Variants in ZNF417 observed in about 807,000 individuals in gnomAD.
The protein encoded by ZNF417 is zinc finger protein 417.
ZNF417 carries 5 observed loss-of-function variants against 7.4 expected under a neutral mutation model. The ratio of observed to expected loss-of-function variants is 0.68; its 90% CI spans 0.35 to 1.43. The LOEUF is 1.43. Among genes scored for constraint, ZNF417 ranks in the 40% most tolerant of loss-of-function variants. The pLI, the probability that ZNF417 is intolerant of heterozygous loss-of-function variation, is 0.04. For missense variants in ZNF417, 437 were observed against 697.3 expected (o/e 0.63, Z 4.20); for synonymous variants, 147 against 239.1 (o/e 0.61, Z 3.55).
chr19:57,909,709 G>A lies in ZNF417; in HGVS notation c.569C>T (p.Ala190Val). ...LPSSGLCQEA[A>V]AVEKTDSETM... ...TTCACTGTCTGTCTTCTCTACAGCA[G>A]CTGCTTCTTGGCACAATCCTGAACT... The change falls in exon 3 of 3, where the codon GCT (alanine) becomes GTT (valine). Residue 190 changes from alanine to valine, a missense_variant. By Grantham distance (64) the Ala-to-Val change is moderately conservative. This residue lies in a region of ZNF417 where 60 missense variants were observed against 266.0 expected (regional missense o/e 0.23). Coordinates refer to ENST00000312026, the MANE Select transcript of ZNF417 (RefSeq NM_152475.3). 4 of 1,482,492 alleles carry A rather than the reference G, an allele frequency of 2.7e-6. 1 individual carries two copies. The highest frequency in any genetic ancestry group is 3.7e-6 in the Non-Finnish European group (4 of 1,089,946). 91.8% of individuals were successfully genotyped at this position (1,482,492 alleles called of 1,614,324 possible).
In ZNF417 at chr19:57,906,020, C is replaced by T. The variant is rs566172003; in HGVS notation, c.*2530G>A. Among the ~76,000 whole-genome samples, 30 of 152,192 alleles carry T rather than the reference C, an allele frequency of 2.0e-4. No homozygotes were observed. The East Asian group carries it at 5.8e-3, about 29-fold the overall frequency. On this transcript the variant is annotated 3_prime_UTR_variant, in exon 3 of 3. Transcript: ENST00000312026. ...TTGCTCTTTTGCCCAGGCTAGAGTG[C>T]AGTGGTACCATCTCAGCTGATTGCA...
Position 57,909,422 on chromosome 19 carries a change from G to A in ZNF417, c.856C>T (p.His286Tyr). The A allele has an allele frequency of 1.9e-6, 3 of 1,614,088 alleles. No homozygotes were observed. Among genetic ancestry groups the A allele is most frequent in the Non-Finnish European group, 2.5e-6 (3 of 1,179,974 alleles). Residue 286 changes from histidine (H) to tyrosine (Y), a missense_variant, in exon 3 of 3, where the codon CAT (histidine) becomes TAT (tyrosine). This residue lies in a region of ZNF417 where 34 missense variants were observed against 33.3 expected (regional missense o/e 1.02). Transcript: ENST00000312026. ...GTCTTTCCAGTGTGGACTCGCTGAT[G>A]TTGAATAAGGCTGCTCTTTCGACTA... is the stretch of plus-strand genomic sequence containing the variant. ...SYSRKSSLIQ[H>Y]QRVHTGKTAY... is the part of the protein sequence containing the mutation.
At chr19:57,911,537 G>A (rs1438578846) in intron 2 of ZNF417, among the ~76,000 whole-genome samples, 1 of 152,176 alleles carries the variant, frequency 6.6e-6, no homozygotes, top group Admixed American at 6.5e-5. Flanking sequence ...TAACTATGAA[G>A]GGAGAGACAG....
In ZNF417 at chr19:57,908,841, C is replaced by T. The variant is rs747423182; in HGVS notation, c.1437G>A (p.Val479=). The change falls in exon 3 of 3, where the codon GTG becomes GTA. Residue 479 remains valine, a synonymous_variant. Transcript: ENST00000312026. ...CGKLFGNKNC[V]TIHQRIHTGE... Reference sequence around the variant, plus strand: ...CAGTGTGAATCCTCTGATGTATAGTCACGCAGTTCTTATTACCAAATAATT... The same window carrying T: ...CAGTGTGAATCCTCTGATGTATAGTTACGCAGTTCTTATTACCAAATAATT... 6.2e-7 allele frequency: 1 copy of T among 1,614,046 alleles called. No homozygotes were observed. Among genetic ancestry groups the T allele is most frequent in the Non-Finnish European group, 8.5e-7 (1 of 1,180,004 alleles).
Position 57,908,549 on chromosome 19 carries a change from C to G in ZNF417, c.*1G>C, listed in dbSNP as rs371120747. ...CAAACGATTTCCCATATTCACTGCA[C>G]TCATAAGGCCTTTCTCCTGTGTGAA... On this transcript the variant is annotated 3_prime_UTR_variant, in exon 3 of 3. Transcript: ENST00000312026. 1 of 1,614,076 alleles carries G rather than the reference C, an allele frequency of 6.2e-7. No homozygotes were observed. The highest frequency in any genetic ancestry group is 8.5e-7 in the Non-Finnish European group (1 of 1,180,038).
In ZNF417 at chr19:57,910,047, A is replaced by G. The variant is rs750651709; in HGVS notation, c.231T>C (p.Ser77=). The G allele has an allele frequency of 2.8e-4, 426 of 1,538,100 alleles. No homozygotes were observed. The highest frequency in any genetic ancestry group is 3.6e-4 in the Non-Finnish European group (410 of 1,147,632). ...CKQRISVQRE[S]QSRTPRAGVS... ...CACCTGCCCTAGGAGTCCTGCTCTG[A>G]GACTCTCTTTGTACAGAAATTCTCT... The change falls in exon 3 of 3, where the codon TCT becomes TCC. Residue 77 remains serine (S), a synonymous_variant. Coordinates refer to ENST00000312026, the MANE Select transcript of ZNF417 (RefSeq NM_152475.3).
rs2122509850 is a variant in ZNF417, at chr19:57,906,957, A to C, written c.*1593T>G. 1 of 145,010 alleles carries C rather than the reference A, an allele frequency of 6.9e-6. No individual in the cohort carries two copies. The highest frequency in any genetic ancestry group is 2.6e-5 in the African/African-American group (1 of 39,004). 9.0% of individuals were successfully genotyped at this position (145,010 alleles called of 1,614,324 possible). A position where few individuals can be genotyped will look rare whatever the true frequency, so the allele number is the denominator to read the frequency against. On this transcript the variant is annotated 3_prime_UTR_variant, in exon 3 of 3. Coordinates refer to ENST00000312026, the MANE Select transcript of ZNF417 (RefSeq NM_152475.3). ...CAACCTATGCCTCCCAGGTTTAACG[A>C]ATTCTCCTGCCTCAGCCTCCCAAGC... is the stretch of plus-strand genomic sequence containing the variant.
Position 57,916,531 on chromosome 19 carries a change from C to T in ZNF417, c.-120G>A, listed in dbSNP as rs188918540. 3,873 of 1,564,518 alleles carry T rather than the reference C, an allele frequency of 2.5e-3. 9 individuals carry two copies. Among genetic ancestry groups the T allele is most frequent in the Non-Finnish European group, 3.0e-3 (3,498 of 1,156,204 alleles). On this transcript the variant is annotated 5_prime_UTR_variant, in exon 1 of 3. Coordinates refer to ENST00000312026, the MANE Select transcript of ZNF417 (RefSeq NM_152475.3). ...TCTAGGTTCAGTCACCGCGGTCCCC[C>T]CCCAGCACTCAGGGGCCACAAACTG...
intron 2 of ZNF417, among the ~76,000 whole-genome samples, chr19:57,911,364 T>C (rs1268592255): frequency 1.3e-5 from 2 of 152,226 alleles, no homozygotes; most frequent in African/African-American, 4.8e-5. Flanking sequence ...AAATGGTTTC[T>C]GGTATGATTT....
rs1457996622 is a variant in ZNF417, at chr19:57,908,936, T to C, written c.1342A>G (p.Lys448Glu). 3.4e-5 allele frequency: 55 copies of C among 1,613,990 alleles called. No homozygotes were observed. The highest frequency in any genetic ancestry group is 4.6e-5 in the Non-Finnish European group (54 of 1,180,028). ...CTCTCATGAACGAGAAGATGATACTTCCTGTTAAATAATTTCCCACATTCC... is the reference window on the plus strand; with the variant it reads ...CTCTCATGAACGAGAAGATGATACTCCCTGTTAAATAATTTCCCACATTCC... ...CRECGKLFNR[K>E]YHLLVHERVH... Residue 448 changes from lysine (K) to glutamate (E), a missense_variant, in exon 3 of 3, where the codon AAG becomes GAG. Transcript: ENST00000312026.
chr19:57,908,352 C>T lies in ZNF417; in HGVS notation c.*198G>A. On this transcript the variant is annotated 3_prime_UTR_variant, in exon 3 of 3. Coordinates refer to ENST00000312026, the MANE Select transcript of ZNF417 (RefSeq NM_152475.3). ...CTGGGAGGCCCAAGTTGCAGTGAGC[C>T]AAGATTGCACCACTGCACTCCAGCC... 3 of 1,026,166 alleles carry T rather than the reference C, an allele frequency of 2.9e-6. No individual in the cohort carries two copies. The South Asian group carries it at 5.0e-5, about 17-fold the overall frequency. 63.6% of individuals were successfully genotyped at this position (1,026,166 alleles called of 1,614,324 possible).
intron 1 of ZNF417, 130 bp downstream of exon 1, chr19:57,916,249 T>TC: frequency 6.4e-7 from 1 of 1,550,948 alleles, no homozygotes; most frequent in Non-Finnish European, 8.7e-7. Context: ...CAGGGACCCC[T>TC]CCTGCGAGCG....
rs553989993 is a variant in ZNF417 at position 57,908,921 on chromosome 19, C to T, written c.1357G>A (p.Val453Ile). The part of the protein sequence containing the change: ...KLFNRKYHLL[V>I]HERVHTGERP... ...TCTCCAGTGTGAACTCTCTCATGAA[C>T]GAGAAGATGATACTTCCTGTTAAAT... The change falls in exon 3 of 3, where the codon GTT becomes ATT. Residue 453 changes from valine to isoleucine, a missense_variant. Around this residue, in one of 5 missense-constraint regions of ZNF417, gnomAD observed 233 missense variants for 235.5 expected, o/e 0.99. Coordinates refer to ENST00000312026, the MANE Select transcript of ZNF417 (RefSeq NM_152475.3). The T allele has an allele frequency of 5.5e-5, 88 of 1,612,920 alleles. No individual in the cohort carries two copies. The Admixed American group carries it at 6.7e-4, about 12-fold the overall frequency.
At chr19:57,912,738 A>G (rs868098915) in intron 1 of ZNF417, among the ~76,000 whole-genome samples, 15 of 151,614 alleles carry the variant, frequency 9.9e-5, no homozygotes, top group African/African-American at 3.2e-4. Flanking sequence ...CCTCCCAAGT[A>G]GCCGGGATTA....
intron 2 of ZNF417, 115 bp downstream of exon 2, chr19:57,911,945 A>C (rs2071902090): frequency 2.0e-6 from 3 of 1,471,106 alleles, no homozygotes; most frequent in Non-Finnish European, 2.7e-6. Flanking sequence ...TACATAGAGA[A>C]GTGTAGAAGG....
chr19:57,914,354 C>T (rs1465952567), intron 1 of ZNF417, among the ~76,000 whole-genome samples: 1 of 151,818 alleles, frequency 6.6e-6, no homozygotes, highest in African/African-American at 2.4e-5. Context: ...GGCGTGGTGG[C>T]AAGCACCTGT....
chr19:57,910,283 C>T (rs1398678293), intron 2 of ZNF417, among the ~76,000 whole-genome samples, 169 bp from the exon 3 acceptor site: 3 of 152,064 alleles, frequency 2.0e-5, no homozygotes, highest in Admixed American at 6.6e-5. Flanking sequence ...CAGTGGCTCA[C>T]GCCTGTAATC....
chr19:57,914,920 C>T (rs2071934330), intron 1 of ZNF417, among the ~76,000 whole-genome samples: 1 of 152,206 alleles, frequency 6.6e-6, no homozygotes, highest in African/African-American at 2.4e-5. Flanking sequence ...TTAAGAGTCC[C>T]AGCACACCAC....
At chr19:57,915,706 C>T (rs978032252) in intron 1 of ZNF417, 11 of 401,298 alleles carry the variant, frequency 2.7e-5, no homozygotes, top group African/African-American at 1.2e-4. Context: ...GAAAAGACCC[C>T]CTTCTTGCCT....
Sources: allele counts gnomAD v4.1 joint callset (sites outside exome capture counted in the v4.1 genomes callset), GRCh38; gene constraint gnomAD v4.1.1; regional missense constraint gnomAD v4.1.1; transcripts MANE v1.5; gene names NCBI Gene and HGNC (gene_info 2026-07-23, HGNC 2026-07-21).